Variants in NXPE2 observed in about 807,000 individuals in gnomAD.
NXPE2 encodes neurexophilin and PC-esterase domain family member 2, also known as NXPE family member 2.
NXPE2 carries 34 observed loss-of-function variants against 34.4 expected under a neutral mutation model. The observed-to-expected ratio is 0.99, with a 90% CI of 0.75 to 1.31. NXPE2 has a LOEUF of 1.31. Ranked by LOEUF, NXPE2 falls within the 40% of genes most tolerant of loss-of-function variation. The pLI, the probability that NXPE2 is intolerant of heterozygous loss-of-function variation, is 0.00. For synonymous variants in NXPE2, 235 were observed against 231.3 expected, an observed-to-expected ratio of 1.02 and a Z score of -0.15; for missense variants, 649 against 672.5, an observed-to-expected ratio of 0.97 and a Z score of 0.39.
chr11:114,630,724 G>C, the NXPE2 span, among the ~76,000 whole-genome samples: 7 of 151,490 alleles, frequency 4.6e-5, no homozygotes, highest in Admixed American at 4.6e-4. Flanking sequence ...ACTACCATCA[G>C]AGTGAACAGG....
chr11:114,650,660 T>C, the NXPE2 span, among the ~76,000 whole-genome samples: 3 of 152,200 alleles, frequency 2.0e-5, no homozygotes, highest in Non-Finnish European at 2.9e-5. Context: ...GGACCCAGGA[T>C]ATATGCTGAT....
At chr11:114,764,020 C>G in the NXPE2 span, among the ~76,000 whole-genome samples, 23 of 152,270 alleles carry the variant, frequency 1.5e-4, no homozygotes, top group Admixed American at 7.2e-4. Context: ...TACCAGTAAT[C>G]TCAGGGAAAG....
At chr11:114,664,533 C>A in the NXPE2 span, among the ~76,000 whole-genome samples, 1 of 152,122 alleles carries the variant, frequency 6.6e-6, no homozygotes, top group Non-Finnish European at 1.5e-5. Flanking sequence ...TGTCATTTCC[C>A]ACATTTGCTC....
the NXPE2 span, among the ~76,000 whole-genome samples, chr11:114,576,194 A>G: frequency 2.0e-5 from 3 of 152,200 alleles, no homozygotes; most frequent in Admixed American, 2.0e-4. Context: ...TTATACAAAA[A>G]TCAACTCCAG....
chr11:114,481,121 C>G, the NXPE2 span, among the ~76,000 whole-genome samples: 4 of 152,158 alleles, frequency 2.6e-5, no homozygotes, highest in Admixed American at 1.3e-4. Flanking sequence ...CCCTCAGGAC[C>G]AGGTCAGTTC....
At chr11:114,669,040 G>T in the NXPE2 span, among the ~76,000 whole-genome samples, 7 of 152,162 alleles carry the variant, frequency 4.6e-5, no homozygotes, top group African/African-American at 1.7e-4. Flanking sequence ...AAGTGGAAGA[G>T]ACTGATCAGA....
At chr11:114,704,469 G>T (rs1408592834) in intron 4 of NXPE2, among the ~76,000 whole-genome samples, 4 of 152,178 alleles carry the variant, frequency 2.6e-5, no homozygotes, top group African/African-American at 9.7e-5. Context: ...CTTACTTGAA[G>T]TTCTATGAAC....
chr11:114,632,633 A>G, the NXPE2 span, among the ~76,000 whole-genome samples: 2 of 99,580 alleles, frequency 2.0e-5, no homozygotes, highest in African/African-American at 4.2e-5. Flanking sequence ...TATATATAAT[A>G]AATGTAAATA....
the NXPE2 span, among the ~76,000 whole-genome samples, chr11:114,782,270 C>A: frequency 6.6e-6 from 1 of 152,188 alleles, no homozygotes; most frequent in East Asian, 1.9e-4. Context: ...ATCTATTCCG[C>A]AAGGCAGCTA....
At chr11:114,531,525 A>G in the NXPE2 span, among the ~76,000 whole-genome samples, 1 of 152,114 alleles carries the variant, frequency 6.6e-6, no homozygotes, top group Non-Finnish European at 1.5e-5. Flanking sequence ...GCAAAACTCT[A>G]TTTGTGTCAT....
At chr11:114,647,700 ATTTTATTTTT>A in the NXPE2 span, among the ~76,000 whole-genome samples, 1 of 144,112 alleles carries the variant, frequency 6.9e-6, no homozygotes, top group East Asian at 1.9e-4. Context: ...GACTTATTTT[ATTTTATTTTT>A]TTTTTTTTTG....
the NXPE2 span, chr11:114,530,019 C>A: frequency 1.4e-6 from 1 of 703,486 alleles, no homozygotes; most frequent in East Asian, 2.6e-5. Context: ...AAACTTTGGC[C>A]TAGAGTGGTG....
chr11:114,530,127 G>A, the NXPE2 span: 1 of 1,532,242 alleles, frequency 6.5e-7, no homozygotes, highest in Non-Finnish European at 8.8e-7. Flanking sequence ...CTCTGACTGG[G>A]GCACTTCTCA....
chr11:114,765,482 A>G, the NXPE2 span, among the ~76,000 whole-genome samples: 1 of 152,232 alleles, frequency 6.6e-6, no homozygotes, highest in Non-Finnish European at 1.5e-5. Context: ...AGACTACAGT[A>G]TGGTATAAAC....
the NXPE2 span, among the ~76,000 whole-genome samples, chr11:114,596,330 A>G: frequency 1.3e-5 from 2 of 152,206 alleles, no homozygotes; most frequent in South Asian, 4.1e-4. Flanking sequence ...TGCTGGAAAG[A>G]GCAGGCACCC....
At chr11:114,771,901 A>C in the NXPE2 span, among the ~76,000 whole-genome samples, 31,618 of 152,246 alleles carry the variant, frequency 0.21, 3,861 homozygotes, top group African/African-American at 0.34. Flanking sequence ...ATCCCTCCAA[A>C]TTAAAGCACT....
chr11:114,639,328 G>T, the NXPE2 span, among the ~76,000 whole-genome samples: 2 of 152,190 alleles, frequency 1.3e-5, no homozygotes, highest in East Asian at 3.9e-4. Context: ...GAAAAGTGCA[G>T]TATTAGGGTG....
the NXPE2 span, among the ~76,000 whole-genome samples, chr11:114,515,739 AGAAAGTAAGTATGAAAGGGCAGTCTTT>A: frequency 2.8e-5 from 3 of 108,648 alleles, no homozygotes; most frequent in Admixed American, 1.8e-4. Context: ...GGCTGTGGTT[AGAAAGTAAGTATGAAAGGGCAGTCTTT>A]CTGAAGTAGA....
the NXPE2 span, among the ~76,000 whole-genome samples, chr11:114,625,453 G>T: frequency 1.3e-5 from 2 of 152,098 alleles, no homozygotes; most frequent in Non-Finnish European, 2.9e-5. Context: ...ATTGCCTCTT[G>T]GGTAACCACT....
Sources: allele counts gnomAD v4.1 joint callset (sites outside exome capture counted in the v4.1 genomes callset), GRCh38; gene constraint gnomAD v4.1.1; transcripts MANE v1.5; gene names NCBI Gene and HGNC (gene_info 2026-07-23, HGNC 2026-07-21).